The following SYNE2 variants were observed in gnomAD, a reference collection of about 807,000 sequenced individuals.
The protein encoded by SYNE2 is spectrin repeat containing nuclear envelope protein 2, also known as nesprin-2.
Under a neutral mutation model 856.3 loss-of-function variants are expected in SYNE2, and 431 were observed. The observed-to-expected ratio is 0.50, with a 90% confidence interval of 0.47 to 0.55. The LOEUF is 0.55. Ranked by LOEUF, SYNE2 falls within the 20% of genes least tolerant of loss-of-function variation. The pLI is 0.00. For missense variants in SYNE2, 8,129 were observed against 8,023.2 expected, an observed-to-expected ratio of 1.01 and a Z score of -0.50; for synonymous variants, 2,923 against 2,872.3, an observed-to-expected ratio of 1.02 and a Z score of -0.56.
intron 113 of SYNE2, among the ~76,000 whole-genome samples, chr14:64,224,181 C>CAAAAAAAAAAAAA (rs35804232): frequency 1.1e-4 from 8 of 74,744 alleles, no homozygotes; most frequent in African/African-American, 3.3e-4. Context: ...CCCGTCTCTG[C>CAAAAAAAAAAAAA]AAAAAAAAAA....
chr14:64,041,692 T>A (rs879646117), intron 45 of SYNE2, among the ~76,000 whole-genome samples: 9 of 151,314 alleles, frequency 5.9e-5, no homozygotes, highest in African/African-American at 9.7e-5. Flanking sequence ...TAGAAAAAAA[T>A]TTTTTAAATT....
chr14:64,123,976 G>C (rs575722642), intron 70 of SYNE2, among the ~76,000 whole-genome samples: 29 of 151,638 alleles, frequency 1.9e-4, no homozygotes, highest in African/African-American at 6.8e-4. Context: ...AGCCTGAGGC[G>C]TGTGGATCAC....
intron 1 of SYNE2, among the ~76,000 whole-genome samples, chr14:63,876,766 A>C (rs975717084): frequency 6.6e-6 from 1 of 151,992 alleles, no homozygotes; most frequent in African/African-American, 2.4e-5. Context: ...GATTACAGGC[A>C]TGAGCCACTG....
chr14:63,938,317 A>T (rs976754069), intron 2 of SYNE2, among the ~76,000 whole-genome samples: 8 of 152,108 alleles, frequency 5.3e-5, no homozygotes, highest in Non-Finnish European at 7.4e-5. Flanking sequence ...TTAGCTGGAC[A>T]TGGCAGTACA....
chr14:63,854,193 T>A (rs1891173038), intron 1 of SYNE2, among the ~76,000 whole-genome samples: 1 of 151,938 alleles, frequency 6.6e-6, no homozygotes, highest in Non-Finnish European at 1.5e-5. Context: ...TTTGTTTTAT[T>A]TGAAGCAACT....
chr14:64,194,346 A>G lies in SYNE2; in HGVS notation c.18038+4109A>G, dbSNP rs145340769. Among the ~76,000 whole-genome samples, 546 of 151,806 alleles carry G rather than the reference A, an allele frequency of 3.6e-3. 6 individuals carry two copies. Among genetic ancestry groups the G allele is most frequent in the Non-Finnish European group, 6.6e-3 (445 of 67,928 alleles). On this transcript the variant is annotated intron_variant, in intron 99 of 115. Transcript: ENST00000555002. ...CTGGCTGTATGGCCCAGGCTGGAAT[A>G]CAGTGGCACAGTCACAGCTCACTGC...
chr14:63,766,917 G>A (rs1003854332), intron 1 of SYNE2, among the ~76,000 whole-genome samples: 2 of 152,010 alleles, frequency 1.3e-5, no homozygotes, highest in Admixed American at 1.3e-4. Context: ...TAAAACACCA[G>A]AGGAAACAAG....
intron 1 of SYNE2, among the ~76,000 whole-genome samples, chr14:63,814,498 T>TTATATATATCC: frequency 1.3e-5 from 1 of 75,454 alleles, no homozygotes; most frequent in African/African-American, 4.3e-5. Flanking sequence ...TATATATCCA[T>TTATATATATCC]ATATATAATA....
chr14:64,139,254 A>T (rs1452904691), intron 79 of SYNE2, among the ~76,000 whole-genome samples: 2 of 151,932 alleles, frequency 1.3e-5, no homozygotes, highest in Non-Finnish European at 2.9e-5. Context: ...AAGTGCTGGG[A>T]TTACAGAAGT....
chr14:64,037,682 G>C (rs1595042699), intron 45 of SYNE2, among the ~76,000 whole-genome samples: 2 of 16,218 alleles, frequency 1.2e-4, no homozygotes, highest in South Asian at 1.7e-3. Context: ...CGGGCAGAGG[G>C]GCCCCTCACT....
At chr14:63,938,913 G>C (rs1238929427) in intron 2 of SYNE2, among the ~76,000 whole-genome samples, 3 of 152,142 alleles carry the variant, frequency 2.0e-5, no homozygotes, top group Non-Finnish European at 4.4e-5. Flanking sequence ...AGAGAGACCT[G>C]AGAGTCTAGA....
rs1377177898 is a variant in SYNE2 at position 64,188,604 on chromosome 14, A to G, written c.17767A>G (p.Asn5923Asp). The G allele has an allele frequency of 1.9e-6, 3 of 1,614,256 alleles. No homozygotes were observed. The highest frequency in any genetic ancestry group is 1.7e-6 in the Non-Finnish European group (2 of 1,180,046). ...EDRLNTWVVF[N>D]EKNKELCAWL... is the part of the protein sequence containing the mutation. Reference sequence around the variant, plus strand: ...CAGACTCAATACATGGGTTGTATTCAATGAAAAAAATAAAGAGTTGTGTGC... The same window carrying G: ...CAGACTCAATACATGGGTTGTATTCGATGAAAAAAATAAAGAGTTGTGTGC... The change falls in exon 98 of 116, where the codon AAT becomes GAT. Residue 5923 changes from asparagine to aspartate, a missense_variant. Around this residue, in one of 3 missense-constraint regions of SYNE2, gnomAD observed 5,410 missense variants for 5,284.8 expected, o/e 1.02. Coordinates refer to ENST00000555002, the MANE Select transcript of SYNE2 (RefSeq NM_182914.3).
At chr14:63,938,936 G>C (rs2095865164) in intron 2 of SYNE2, among the ~76,000 whole-genome samples, 1 of 152,250 alleles carries the variant, frequency 6.6e-6, no homozygotes. Context: ...GCATGTGCGT[G>C]TGTGTGCGTG....
intron 45 of SYNE2, among the ~76,000 whole-genome samples, chr14:64,036,475 G>A (rs1268953146): frequency 6.6e-6 from 1 of 152,048 alleles, no homozygotes; most frequent in Non-Finnish European, 1.5e-5. Context: ...GGTAGAGACG[G>A]GGTTTCACCA....
intron 1 of SYNE2, among the ~76,000 whole-genome samples, chr14:63,779,755 T>G (rs1887242135): frequency 6.6e-6 from 1 of 151,436 alleles, no homozygotes; most frequent in African/African-American, 2.4e-5. Flanking sequence ...CTATTGCAAA[T>G]ACAAAATTAG....
chr14:63,871,357 T>C (rs372776338), intron 1 of SYNE2, among the ~76,000 whole-genome samples: 5 of 151,988 alleles, frequency 3.3e-5, no homozygotes, highest in Admixed American at 6.6e-5. Flanking sequence ...AAGCATGGGC[T>C]GCCATGCCCG....
In SYNE2 at chr14:64,051,702, G is replaced by C. The variant is rs1325671841; in HGVS notation, c.7789G>C (p.Glu2597Gln). The C allele has an allele frequency of 6.2e-7, 1 of 1,614,080 alleles. No homozygotes were observed. The highest frequency in any genetic ancestry group is 8.5e-7 in the Non-Finnish European group (1 of 1,180,044). Residue 2597 changes from glutamate (E) to glutamine (Q), a missense_variant, in exon 48 of 116, where the codon GAA (glutamate) becomes CAA (glutamine). Physicochemically the swap from Glu to Gln is conservative, Grantham distance 29. Coordinates refer to ENST00000555002, the MANE Select transcript of SYNE2 (RefSeq NM_182914.3). Reference protein sequence around the residue: ...HVTDMDKKLLESQIKQLEHGW... With the variant: ...HVTDMDKKLLQSQIKQLEHGW... ...GACTGACATGGATAAGAAATTGTTG[G>C]AAAGCCAGATTAAGCAACTTGAACA...
At chr14:64,142,846 C>T (rs965583523) in intron 82 of SYNE2, among the ~76,000 whole-genome samples, 1 of 152,136 alleles carries the variant, frequency 6.6e-6, no homozygotes, top group Non-Finnish European at 1.5e-5. Flanking sequence ...TATTTAATTT[C>T]AAGTAGATTT....
chr14:63,838,155 G>T lies in SYNE2; in HGVS notation c.-304-14346G>T, dbSNP rs556158390. Among the ~76,000 whole-genome samples the T allele has an allele frequency of 2.0e-5, 3 of 151,800 alleles. No homozygotes were observed. The East Asian group carries it at 5.9e-4, about 30-fold the overall frequency. Reference sequence around the variant, plus strand: ...GAGGCCAAGGCGGGTAGATCATCTGGGGTCAGGAGTTTGAGACCAGCCTGG... The same window carrying T: ...GAGGCCAAGGCGGGTAGATCATCTGTGGTCAGGAGTTTGAGACCAGCCTGG... On this transcript the variant is annotated intron_variant, in intron 1 of 23. Coordinates refer to the SYNE2 transcript ENST00000674003.
Sources: allele counts gnomAD v4.1 joint callset (sites outside exome capture counted in the v4.1 genomes callset), GRCh38; gene constraint gnomAD v4.1.1; regional missense constraint gnomAD v4.1.1; transcripts MANE v1.5; gene names NCBI Gene and HGNC (gene_info 2026-07-23, HGNC 2026-07-21).